The following ZHX2 variants were observed in gnomAD, a reference collection of about 807,000 sequenced individuals.
The protein encoded by ZHX2 is zinc fingers and homeoboxes protein 2.
Under a neutral mutation model 21.9 loss-of-function variants are expected in ZHX2, and 6 were observed. The observed-to-expected ratio is 0.27, with a 90% CI of 0.15 to 0.54. The LOEUF is 0.54. ZHX2 is among the 20% of genes least tolerant of loss of function. The probability of loss-of-function intolerance (pLI) is 0.95; values close to 1 mark genes in which losing one functional copy is unlikely to be tolerated. For missense variants in ZHX2, 908 were observed against 1,090.7 expected, an observed-to-expected ratio of 0.83 and a Z score of 2.36; for synonymous variants, 434 against 437.1, an observed-to-expected ratio of 0.99 and a Z score of 0.09.
rs1321700017 is a variant in ZHX2 at position 122,863,487 on chromosome 8, A to G, written c.-272A>G. On this transcript the variant is annotated 5_prime_UTR_variant, in exon 2 of 4. Coordinates refer to ENST00000314393, the MANE Select transcript of ZHX2 (RefSeq NM_014943.5). The stretch of plus-strand genomic sequence containing the variant: ...TTCTGTCCCCTGTAGGTCTGGATGT[A>G]CCGACTGCTTTTGGAATAAAAAGAT... The G allele has an allele frequency of 6.6e-6, 1 of 152,624 alleles. No homozygotes were observed. The highest frequency in any genetic ancestry group is 2.4e-5 in the African/African-American group (1 of 41,384). The allele number at this position is 152,624 out of a possible 1,614,324, so 9.5% of individuals were successfully genotyped here. A position where few individuals can be genotyped will look rare whatever the true frequency, so the allele number is the denominator to read the frequency against.
chr8:122,885,493 T>G (rs1444579272), intron 2 of ZHX2, among the ~76,000 whole-genome samples: 3 of 151,856 alleles, frequency 2.0e-5, no homozygotes, highest in Non-Finnish European at 4.4e-5. Flanking sequence ...TCTTGGAGTT[T>G]TTGGGTGGCA....
chr8:122,960,243 TA>T (rs1300261363), intron 3 of ZHX2, among the ~76,000 whole-genome samples: 1 of 152,118 alleles, frequency 6.6e-6, no homozygotes, highest in African/African-American at 2.4e-5. Context: ...GGACACTCCC[TA>T]AAGAGGTAAT....
chr8:122,972,168 C>T (rs914754592), intron 3 of ZHX2, among the ~76,000 whole-genome samples: 37 of 152,192 alleles, frequency 2.4e-4, no homozygotes, highest in Non-Finnish European at 1.0e-4. Flanking sequence ...TCTGTAAGGA[C>T]ACTAGTCATG....
chr8:122,856,017 A>G (rs1819014987), intron 1 of ZHX2, among the ~76,000 whole-genome samples: 1 of 152,226 alleles, frequency 6.6e-6, no homozygotes, highest in Non-Finnish European at 1.5e-5. Context: ...AAGAGGCTAT[A>G]TGGGGGGAAA....
intron 1 of ZHX2, among the ~76,000 whole-genome samples, chr8:122,848,251 G>A (rs1018743559): frequency 5.9e-5 from 9 of 152,074 alleles, no homozygotes; most frequent in Non-Finnish European, 8.8e-5. Context: ...AAGGGTCTCC[G>A]AACCAGAGAC....
At chr8:122,864,632 A>T (rs1255816637) in intron 2 of ZHX2, among the ~76,000 whole-genome samples, 1 of 151,696 alleles carries the variant, frequency 6.6e-6, no homozygotes, top group Admixed American at 6.6e-5. Flanking sequence ...GGCAAGACTC[A>T]CCCACCCCCC....
chr8:122,842,856 G>T (rs915940933), intron 1 of ZHX2, among the ~76,000 whole-genome samples: 1 of 152,226 alleles, frequency 6.6e-6, no homozygotes, highest in Non-Finnish European at 1.5e-5. Flanking sequence ...TGCGCTTTGG[G>T]GTTCTCAAAC....
At chr8:122,844,236 C>A (rs947263103) in intron 1 of ZHX2, among the ~76,000 whole-genome samples, 3 of 152,222 alleles carry the variant, frequency 2.0e-5, no homozygotes. Flanking sequence ...AGTGCTAATT[C>A]TTTTGGTTTT....
chr8:122,835,779 CTGGA>C (rs1329944874), intron 1 of ZHX2, among the ~76,000 whole-genome samples: 1 of 152,140 alleles, frequency 6.6e-6, no homozygotes, highest in African/African-American at 2.4e-5. Flanking sequence ...ATAAAAAGGC[CTGGA>C]CATAAGGAAC....
intron 2 of ZHX2, among the ~76,000 whole-genome samples, chr8:122,922,797 A>C (rs371104874): frequency 1.9e-4 from 29 of 152,302 alleles, no homozygotes; most frequent in Admixed American, 5.2e-4. Context: ...TGAAACACTT[A>C]CTGTCAAGGG....
intron 1 of ZHX2, among the ~76,000 whole-genome samples, chr8:122,802,631 C>T (rs1051958825): frequency 2.0e-5 from 3 of 152,140 alleles, no homozygotes; most frequent in Non-Finnish European, 2.9e-5. Context: ...CCCTGCTAGT[C>T]CAAGCTAGGG....
intron 2 of ZHX2, among the ~76,000 whole-genome samples, chr8:122,913,757 A>T (rs1820534537): frequency 6.6e-6 from 1 of 152,194 alleles, no homozygotes; most frequent in Non-Finnish European, 1.5e-5. Context: ...CACAGAGCAC[A>T]TGTTTCACGT....
At chr8:122,933,877 C>A (rs1351104836) in intron 2 of ZHX2, among the ~76,000 whole-genome samples, 8 of 152,148 alleles carry the variant, frequency 5.3e-5, no homozygotes, top group Non-Finnish European at 1.0e-4. Flanking sequence ...TTCAGCTTTA[C>A]AATACATCTA....
intron 2 of ZHX2, among the ~76,000 whole-genome samples, chr8:122,936,886 AG>A (rs1420423888): frequency 1.1e-5 from 1 of 87,628 alleles, no homozygotes; most frequent in Non-Finnish European, 3.0e-5. Context: ...TTCCAATAAA[AG>A]CCCCAGAATG....
chr8:122,913,483 A>G (rs1167309400), intron 2 of ZHX2, among the ~76,000 whole-genome samples: 2 of 152,212 alleles, frequency 1.3e-5, no homozygotes, highest in African/African-American at 4.8e-5. Flanking sequence ...CCATGTTTGG[A>G]AGGAAAGAAG....
rs377205728 is a variant in ZHX2, at chr8:122,812,798, A to C, written c.-283+30852A>C. Among the ~76,000 whole-genome samples, 116 of 152,366 alleles carry C rather than the reference A, an allele frequency of 7.6e-4. No individual in the cohort carries two copies. The South Asian group carries it at 0.023, about 30-fold the overall frequency. On this transcript the variant is annotated intron_variant, in intron 1 of 3. Coordinates refer to ENST00000314393, the MANE Select transcript of ZHX2 (RefSeq NM_014943.5). ...TGACTGGTGACATGGCGGTGGCATC[A>C]GTCATAGTAAATACTGATACCAACT...
chr8:122,825,485 C>A (rs1266817657), intron 1 of ZHX2, among the ~76,000 whole-genome samples: 1 of 152,148 alleles, frequency 6.6e-6, no homozygotes, highest in East Asian at 1.9e-4. Context: ...TGATCTTAAA[C>A]CGCCTCCCTC....
rs1323821150 is a variant in ZHX2 at position 122,833,841 on chromosome 8, C to CA, written c.-282-29630dup. On this transcript the variant is annotated intron_variant, in intron 1 of 3. Coordinates refer to ENST00000314393, the MANE Select transcript of ZHX2 (RefSeq NM_014943.5). Reference sequence around the variant, plus strand: ...GAAACCTCATCTCTACTAAAAAATACAAAAAATTAGCCGGGCGTGGTGGTG... The same window carrying CA: ...GAAACCTCATCTCTACTAAAAAATACAAAAAAATTAGCCGGGCGTGGTGGTG... 8.6e-5 allele frequency among the ~76,000 whole-genome samples: 13 copies of CA among 151,820 alleles called. 1 individual carries two copies. The highest frequency in any genetic ancestry group is 7.9e-4 in the Admixed American group (12 of 15,252).
chr8:122,891,270 TTGTGTGTGTGTGTGTGTGTG>T (rs59893492), intron 2 of ZHX2, among the ~76,000 whole-genome samples: 26 of 77,670 alleles, frequency 3.3e-4, no homozygotes, highest in African/African-American at 8.0e-4. Flanking sequence ...TCTTGGTAGA[TTGTGTGTGTGTGTGTGTGTG>T]TGTGTGTGTG....
Sources: allele counts gnomAD v4.1 joint callset (sites outside exome capture counted in the v4.1 genomes callset), GRCh38; gene constraint gnomAD v4.1.1; transcripts MANE v1.5; gene names NCBI Gene and HGNC (gene_info 2026-07-23, HGNC 2026-07-21).